RPTOR: variants seen among roughly 807,000 people sequenced by gnomAD.
RPTOR encodes the protein regulatory-associated protein of mTOR.
A neutral mutation model predicts 169.9 loss-of-function variants in RPTOR; 21 were observed. The observed-to-expected ratio is 0.12, with a 90% CI of 0.09 to 0.18. The LOEUF is 0.18. RPTOR is among the 10% of genes least tolerant of loss of function. The pLI, the probability that RPTOR is intolerant of heterozygous loss-of-function variation, is 1.00. For missense variants in RPTOR, 1,133 were observed against 1,855.9 expected, an observed-to-expected ratio of 0.61 and a Z score of 7.16; for synonymous variants, 732 against 753.2, an observed-to-expected ratio of 0.97 and a Z score of 0.46.
chr17:80,700,565 A>ATGATGG (rs1567864400), intron 3 of RPTOR, among the ~76,000 whole-genome samples: 1 of 118,966 alleles, frequency 8.4e-6, no homozygotes, highest in Non-Finnish European at 1.8e-5. Flanking sequence ...GATGGTAGAG[A>ATGATGG]TGATGGTGAT....
At chr17:80,891,882 G>C in intron 18 of RPTOR, 45 bp downstream of exon 18, 1 of 1,398,672 alleles carries the variant, frequency 7.1e-7, no homozygotes, top group Non-Finnish European at 1.0e-6. Flanking sequence ...CTCGCCTGGC[G>C]GTTCTAGTGC....
intron 7 of RPTOR, among the ~76,000 whole-genome samples, chr17:80,812,545 A>G (rs1429568537): frequency 4.0e-5 from 6 of 151,832 alleles, no homozygotes; most frequent in African/African-American, 2.4e-5. Context: ...CCCCAGCCCC[A>G]TGAGCCTGCC....
intron 24 of RPTOR, among the ~76,000 whole-genome samples, chr17:80,929,093 A>G (rs2068845154): frequency 2.0e-5 from 3 of 152,262 alleles, no homozygotes; most frequent in Admixed American, 6.5e-5. Context: ...TTGTAATGGG[A>G]AAAAGTTGAA....
intron 7 of RPTOR, among the ~76,000 whole-genome samples, chr17:80,795,865 C>T (rs567327534): frequency 5.9e-5 from 9 of 152,328 alleles, no homozygotes; most frequent in African/African-American, 1.9e-4. Flanking sequence ...CCCGTGTCCG[C>T]CTCCCGCCAG....
chr17:80,949,652 AC>A, intron 28 of RPTOR, 105 bp downstream of exon 28: 1 of 887,264 alleles, frequency 1.1e-6, no homozygotes, highest in Non-Finnish European at 1.8e-6. Context: ...AGGCTGCTCC[AC>A]CTCAGAGTCC....
chr17:80,625,924 C>G, intron 2 of RPTOR, 131 bp downstream of exon 2: 1 of 648,676 alleles, frequency 1.5e-6, no homozygotes, highest in Non-Finnish European at 2.8e-6. Context: ...GTTTTTCTTT[C>G]TGGAGTCACA....
In RPTOR at chr17:80,567,910, C is replaced by CT. The variant is rs1180308607; in HGVS notation, c.162+22128dup. On this transcript the variant is annotated intron_variant, in intron 1 of 33. Coordinates refer to ENST00000306801, the MANE Select transcript of RPTOR (RefSeq NM_020761.3). ...ACCCACATATTTCTATTTATTTTTT[C>CT]TTTTTTTTTATTCTGAGACAGAGTC... 6.7e-5 allele frequency among the ~76,000 whole-genome samples: 10 copies of CT among 150,006 alleles called. No individual in the cohort carries two copies. The East Asian group carries it at 1.4e-3, about 20-fold the overall frequency.
intron 6 of RPTOR, among the ~76,000 whole-genome samples, chr17:80,785,464 G>A (rs2066982014): frequency 1.3e-5 from 2 of 152,176 alleles, no homozygotes; most frequent in East Asian, 1.9e-4. Flanking sequence ...GAACTGTTTC[G>A]TGTTGCTCTT....
chr17:80,784,113 C>T (rs537156314), intron 6 of RPTOR, among the ~76,000 whole-genome samples: 1 of 151,120 alleles, frequency 6.6e-6, no homozygotes, highest in East Asian at 2.0e-4. Context: ...AGTCCTCTGA[C>T]CATGCCCAGC....
intron 7 of RPTOR, among the ~76,000 whole-genome samples, chr17:80,821,558 T>C (rs2067378426): frequency 1.3e-5 from 2 of 152,144 alleles, no homozygotes; most frequent in South Asian, 4.1e-4. Context: ...CCATGCGAAA[T>C]GGCAGCAGCC....
intron 20 of RPTOR, among the ~76,000 whole-genome samples, chr17:80,901,385 T>C (rs1176376784): frequency 6.6e-6 from 1 of 152,210 alleles, no homozygotes; most frequent in East Asian, 1.9e-4. Context: ...CTGACTTTTT[T>C]TTTTTTACTG....
chr17:80,926,151 C>T (rs2068809215), intron 24 of RPTOR, among the ~76,000 whole-genome samples: 1 of 152,212 alleles, frequency 6.6e-6, no homozygotes, highest in Non-Finnish European at 1.5e-5. Context: ...AGCTTATTCT[C>T]GATTGTATAT....
chr17:80,800,880 G>C (rs886985259), intron 7 of RPTOR, among the ~76,000 whole-genome samples: 1 of 152,224 alleles, frequency 6.6e-6, no homozygotes, highest in African/African-American at 2.4e-5. Context: ...GATTAACATT[G>C]ATTGTGTACA....
At chr17:80,765,341 T>G (rs1169422784) in intron 6 of RPTOR, among the ~76,000 whole-genome samples, 3 of 152,126 alleles carry the variant, frequency 2.0e-5, no homozygotes, top group Admixed American at 6.5e-5. Flanking sequence ...GGGAGGTGAG[T>G]GCTTCATTTT....
intron 2 of RPTOR, among the ~76,000 whole-genome samples, chr17:80,635,126 G>T (rs1463496309): frequency 6.6e-6 from 1 of 152,136 alleles, no homozygotes; most frequent in Non-Finnish European, 1.5e-5. Context: ...CTCCTCCTGT[G>T]TGAACCCTCT....
chr17:80,584,005 G>A (rs748395987), intron 1 of RPTOR, among the ~76,000 whole-genome samples: 37 of 152,230 alleles, frequency 2.4e-4, no homozygotes, highest in Admixed American at 1.1e-3. Context: ...TGAAGGTGCT[G>A]TTGGTTGTTT....
intron 5 of RPTOR, 122 bp from the exon 6 acceptor site, chr17:80,753,888 C>T (rs2066654677): frequency 5.5e-6 from 5 of 911,856 alleles, no homozygotes; most frequent in Admixed American, 4.1e-5. Context: ...GAGGACTTTC[C>T]AGTGAAAACT....
intron 1 of RPTOR, among the ~76,000 whole-genome samples, chr17:80,584,879 T>G (rs1282407809): frequency 6.6e-6 from 1 of 152,202 alleles, no homozygotes; most frequent in Non-Finnish European, 1.5e-5. Flanking sequence ...CTTGGATGTG[T>G]TGGGTATTCA....
intron 1 of RPTOR, among the ~76,000 whole-genome samples, chr17:80,623,334 C>A (rs2065369238): frequency 6.6e-6 from 1 of 152,016 alleles, no homozygotes; most frequent in South Asian, 2.1e-4. Flanking sequence ...AAGGAACTAA[C>A]CATTTTTCTT....
Sources: allele counts gnomAD v4.1 joint callset (sites outside exome capture counted in the v4.1 genomes callset), GRCh38; gene constraint gnomAD v4.1.1; transcripts MANE v1.5; gene names NCBI Gene and HGNC (gene_info 2026-07-23, HGNC 2026-07-21).